The following RRM2B variants were observed in gnomAD, a reference collection of about 807,000 sequenced individuals.
RRM2B encodes ribonucleotide reductase regulatory TP53 inducible subunit M2B.
Under a neutral mutation model 45.9 loss-of-function variants are expected in RRM2B, and 20 were observed. The ratio of observed to expected loss-of-function variants is 0.44; its 90% confidence interval spans 0.31 to 0.63. The LOEUF (loss-of-function observed/expected upper bound fraction) is 0.63, where lower values mean the gene tolerates loss of function less well. Among genes scored for constraint, RRM2B ranks in the 30% least tolerant of loss-of-function variants. RRM2B has a pLI of 0.09. For missense variants in RRM2B, 320 were observed against 414.7 expected (o/e 0.77, Z 1.98); for synonymous variants, 124 against 132.3 (o/e 0.94, Z 0.43).
At chr8:102,225,877 T>C (rs1177114038) in intron 3 of RRM2B, 41 bp downstream of exon 3, 2 of 1,056,090 alleles carry the variant, frequency 1.9e-6, no homozygotes, top group Non-Finnish European at 3.0e-6. Flanking sequence ...ATCATTTAAC[T>C]GCTAAAGGAG....
intron 1 of RRM2B, 149 bp downstream of exon 1, chr8:102,238,678 C>T: frequency 7.8e-6 from 12 of 1,544,724 alleles, no homozygotes; most frequent in East Asian, 4.8e-5. Context: ...CCCCGGCGCT[C>T]GCAACGACGA....
chr8:102,208,188 A>C lies in RRM2B; in HGVS notation c.1001T>G (p.Phe334Cys). Residue 334 changes from phenylalanine to cysteine, a missense_variant, in exon 9 of 9, where the codon TTT becomes TGT. Physicochemically the swap from Phe to Cys is radical, Grantham distance 205. Transcript: ENST00000251810. ...ATCTGTGGTTTCTGCCATAACTGCA[A>C]AACGCTGATACTCTGAAACTCGTTT... is the stretch of plus-strand genomic sequence containing the variant. ...FEKRVSEYQR[F>C]AVMAETTDNV... is the part of the protein sequence containing the mutation. The C allele has an allele frequency of 6.2e-7, 1 of 1,613,550 alleles. No homozygotes were observed.
chr8:102,228,812 C>T (rs1223216053), intron 2 of RRM2B, among the ~76,000 whole-genome samples: 2 of 152,248 alleles, frequency 1.3e-5, no homozygotes, highest in South Asian at 2.1e-4. Context: ...CTCCAGCATG[C>T]GCATTCCAGT....
chr8:102,231,314 G>A (rs1811024586), intron 2 of RRM2B, among the ~76,000 whole-genome samples: 1 of 152,210 alleles, frequency 6.6e-6, no homozygotes, highest in African/African-American at 2.4e-5. Context: ...CACGTTTGAT[G>A]TAGCTGAGGG....
intron 6 of RRM2B, among the ~76,000 whole-genome samples, chr8:102,215,664 G>A (rs1810717041): frequency 6.6e-6 from 1 of 152,002 alleles, no homozygotes; most frequent in Non-Finnish European, 1.5e-5. Context: ...TAATCTGGAA[G>A]GCTGGGCACG....
intron 1 of RRM2B, chr8:102,238,422 C>T: frequency 1.5e-6 from 1 of 689,422 alleles, no homozygotes; most frequent in Non-Finnish European, 2.1e-6. Context: ...TCCTTGTCAC[C>T]ATCCCAAATG....
At chr8:102,224,274 C>T (rs1038372580) in intron 4 of RRM2B, 134 bp from the exon 5 acceptor site, 16 of 626,474 alleles carry the variant, frequency 2.6e-5, no homozygotes, top group South Asian at 1.2e-4. Flanking sequence ...CTCCACCTCC[C>T]GGGTTCATGC....
intron 1 of RRM2B, among the ~76,000 whole-genome samples, chr8:102,233,324 G>A (rs958544628): frequency 2.6e-5 from 4 of 152,164 alleles, no homozygotes; most frequent in African/African-American, 9.7e-5. Flanking sequence ...GGGGGCTTGC[G>A]TGCTTTATAC....
intron 1 of RRM2B, chr8:102,238,339 G>C (rs923149489): frequency 5.6e-6 from 2 of 359,550 alleles, no homozygotes; most frequent in Non-Finnish European, 1.1e-5. Flanking sequence ...GAGGTCATGA[G>C]GATTTCGTGT....
Position 102,224,305 on chromosome 8 carries a change from C to T in RRM2B, c.456-165G>A, listed in dbSNP as rs545718693. 2.7e-3 allele frequency among the ~76,000 whole-genome samples: 407 copies of T among 152,202 alleles called. 1 individual carries two copies. The highest frequency in any genetic ancestry group is 9.0e-3 in the African/African-American group (373 of 41,530). ...CATGCCATTCTCCTGCCTCAGCCTC[C>T]CGAGTAGCTAGGACGACAGGTGCCC... On this transcript the variant is annotated intron_variant, in intron 4 of 8. Transcript: ENST00000251810.
In RRM2B at chr8:102,225,933, A is replaced by C; in HGVS notation, c.306T>G (p.Ile102Met). The change falls in exon 3 of 9, where the codon ATT becomes ATG. Residue 102 changes from isoleucine (I) to methionine (M), a missense_variant. By Grantham distance (10) the Ile-to-Met change is conservative. This residue lies in a region of RRM2B where 225 missense variants were observed against 289.4 expected (regional missense o/e 0.78). Transcript: ENST00000251810. Reference sequence around the variant, plus strand: ...AAAATCTTACCAAATTTTCATTTACAATTCCATCACTGGCTGCAAAAAAGG... The same window carrying C: ...AAAATCTTACCAAATTTTCATTTACCATTCCATCACTGGCTGCAAAAAAGG... ...ILAFFAASDGIVNENLVERFS... is the reference protein window; with the variant it reads ...ILAFFAASDGMVNENLVERFS... 1.2e-6 allele frequency: 2 copies of C among 1,600,336 alleles called. No individual in the cohort carries two copies. Among genetic ancestry groups the C allele is most frequent in the South Asian group, 2.2e-5 (2 of 90,800 alleles).
chr8:102,212,020 T>C (rs1810643531), intron 8 of RRM2B, among the ~76,000 whole-genome samples: 1 of 152,228 alleles, frequency 6.6e-6, no homozygotes, highest in Non-Finnish European at 1.5e-5. Context: ...TATTTCTAAT[T>C]ACCATGGTAT....
chr8:102,212,742 T>C, intron 8 of RRM2B, 34 bp downstream of exon 8: 1 of 1,087,166 alleles, frequency 9.2e-7, no homozygotes, highest in Non-Finnish European at 1.4e-6. Flanking sequence ...CTATAATATT[T>C]TAACTAGTAG....
chr8:102,232,394 G>C, intron 1 of RRM2B, 90 bp from the exon 2 acceptor site: 1 of 1,350,810 alleles, frequency 7.4e-7, no homozygotes. Flanking sequence ...TCAGGGAGAC[G>C]GCATTGGTTT....
chr8:102,221,850 C>T (rs770690758), intron 5 of RRM2B, among the ~76,000 whole-genome samples: 6 of 152,106 alleles, frequency 3.9e-5, no homozygotes, highest in Admixed American at 2.0e-4. Flanking sequence ...ATATTTTCAG[C>T]GTATATGGAA....
At chr8:102,234,406 G>A (rs561113090) in intron 1 of RRM2B, among the ~76,000 whole-genome samples, 5 of 152,076 alleles carry the variant, frequency 3.3e-5, no homozygotes, top group South Asian at 2.1e-4. Flanking sequence ...TAGAGATGAC[G>A]TATTATTTCA....
At chr8:102,223,840 C>T (rs1257106576) in intron 5 of RRM2B, among the ~76,000 whole-genome samples, 3 of 152,132 alleles carry the variant, frequency 2.0e-5, no homozygotes, top group Non-Finnish European at 4.4e-5. Context: ...TTTTCAACTT[C>T]CAACTTATTA....
At chr8:102,227,103 C>T (rs190220383) in intron 2 of RRM2B, among the ~76,000 whole-genome samples, 143 of 152,192 alleles carry the variant, frequency 9.4e-4, no homozygotes, top group African/African-American at 3.4e-3. Context: ...CTACCTCAGC[C>T]TCTCAAAGTG....
chr8:102,225,228 C>CTTTTTTTTTTTT (rs918693739), intron 3 of RRM2B, among the ~76,000 whole-genome samples: 4 of 87,512 alleles, frequency 4.6e-5, no homozygotes, highest in Admixed American at 1.5e-4. Context: ...ATAGTATATT[C>CTTTTTTTTTTTT]TTTTTTTTTT....
Sources: allele counts gnomAD v4.1 joint callset (sites outside exome capture counted in the v4.1 genomes callset), GRCh38; gene constraint gnomAD v4.1.1; regional missense constraint gnomAD v4.1.1; transcripts MANE v1.5; gene names NCBI Gene and HGNC (gene_info 2026-07-23, HGNC 2026-07-21).